GRAMD4: variants seen among roughly 807,000 people sequenced by gnomAD.
GRAMD4 encodes the protein GRAM domain containing 4.
A neutral mutation model predicts 83.9 loss-of-function variants in GRAMD4; 25 were observed. The observed-to-expected ratio is 0.30, with a 90% CI of 0.22 to 0.42. The LOEUF (loss-of-function observed/expected upper bound fraction) is 0.42, where lower values mean the gene tolerates loss of function less well. Among genes scored for constraint, GRAMD4 ranks in the 10% least tolerant of loss-of-function variants. GRAMD4 has a pLI of 1.00. For missense variants in GRAMD4, 593 were observed against 788.7 expected (o/e 0.75, Z 2.97); for synonymous variants, 336 against 320.9 (o/e 1.05, Z -0.50).
intron 1 of GRAMD4, among the ~76,000 whole-genome samples, chr22:46,601,115 G>T (rs954293666): frequency 2.6e-5 from 4 of 152,146 alleles, no homozygotes; most frequent in Admixed American, 2.6e-4. Flanking sequence ...CTGCACTCCA[G>T]CCTGGGTGAC....
chr22:46,622,799 C>T lies in GRAMD4; in HGVS notation c.-50+2234C>T, dbSNP rs188264656. Among the ~76,000 whole-genome samples, 834 of 151,818 alleles carry T rather than the reference C, an allele frequency of 5.5e-3. 2 individuals carry two copies. The highest frequency in any genetic ancestry group is 0.012 in the Admixed American group (181 of 15,218). ...TGGTGGCGGGTGCCTGTAGTCCCAG[C>T]TACTCGGGAGGCTGAGGCAGGAGAA... On this transcript the variant is annotated intron_variant, in intron 1 of 18. Transcript: ENST00000406902. This position sits in a 1 kb window ranked among gnomAD's most constrained non-coding sequence, Gnocchi z 4.0.
intron 3 of GRAMD4, among the ~76,000 whole-genome samples, chr22:46,643,880 T>G (rs1360247283): frequency 6.6e-6 from 1 of 152,224 alleles, no homozygotes; most frequent in Non-Finnish European, 1.5e-5. Context: ...TTAAATTTAT[T>G]CATACAGCTA....
chr22:46,599,875 G>A (rs531405681), intron 1 of GRAMD4, among the ~76,000 whole-genome samples: 5 of 151,966 alleles, frequency 3.3e-5, no homozygotes, highest in African/African-American at 1.2e-4. Context: ...AGTGACCATC[G>A]GAAGGCTTTC....
chr22:46,625,150 G>A (rs1030041348), intron 1 of GRAMD4, among the ~76,000 whole-genome samples: 9 of 152,148 alleles, frequency 5.9e-5, no homozygotes, highest in South Asian at 4.1e-4. Flanking sequence ...GTGAGCCACC[G>A]CGCCCAGCGT....
upstream of GRAMD4, among the ~76,000 whole-genome samples, chr22:46,620,128 T>A (rs1314992705): frequency 7.9e-5 from 12 of 152,086 alleles, no homozygotes; most frequent in East Asian, 9.7e-4. This position sits in a 1 kb window ranked among gnomAD's most constrained non-coding sequence, Gnocchi z 4.7. Flanking sequence ...TTTTTTTTTT[T>A]AAATCTTGGG....
At chr22:46,670,502 C>T (rs1035456311) in intron 13 of GRAMD4, among the ~76,000 whole-genome samples, 1 of 152,244 alleles carries the variant, frequency 6.6e-6, no homozygotes, top group Non-Finnish European at 1.5e-5. Flanking sequence ...GCCGAGGCTC[C>T]AGAGCTGCAG....
At chr22:46,588,605 G>A (rs1040966746) in intron 1 of GRAMD4, among the ~76,000 whole-genome samples, 4 of 152,222 alleles carry the variant, frequency 2.6e-5, no homozygotes, top group Non-Finnish European at 2.9e-5. Context: ...GAGAATGAGC[G>A]ATCTGAAGAT....
chr22:46,680,547 C>A (rs574285009), downstream of GRAMD4, among the ~76,000 whole-genome samples: 1 of 142,046 alleles, frequency 7.0e-6, no homozygotes, highest in Non-Finnish European at 1.6e-5. Context: ...CACATCTGTC[C>A]GTCCGTCCGT....
chr22:46,615,582 CGTGTAGGTTCCCCCGT>C (rs2081472574), upstream of GRAMD4, among the ~76,000 whole-genome samples: 1 of 77,210 alleles, frequency 1.3e-5, no homozygotes, highest in Admixed American at 1.5e-4. Context: ...TTCCCCTGTG[CGTGTAGGTTCCCCCGT>C]GTGTAGGTTC....
chr22:46,603,201 G>GTTTTTTTTTTTTTTTTTT (rs569545888), intron 1 of GRAMD4, among the ~76,000 whole-genome samples: 2 of 89,414 alleles, frequency 2.2e-5, no homozygotes, highest in African/African-American at 4.7e-5. Context: ...ATCTTCTCTT[G>GTTTTTTTTTTTTTTTTTT]TTTTTTTTTT....
chr22:46,677,796 T>C lies in GRAMD4; in HGVS notation c.*545T>C. The C allele has an allele frequency of 1.0e-6, 1 of 983,716 alleles. No homozygotes were observed. Among genetic ancestry groups the C allele is most frequent in the Non-Finnish European group, 1.2e-6 (1 of 829,922 alleles). The allele number at this position is 983,716 out of a possible 1,614,324, so 60.9% of individuals were successfully genotyped here. A position where few individuals can be genotyped will look rare whatever the true frequency, so the allele number is the denominator to read the frequency against. On this transcript the variant is annotated 3_prime_UTR_variant, in exon 19 of 19. Coordinates refer to ENST00000406902, the MANE Select transcript of GRAMD4 (RefSeq NM_015124.5). ...CCCTCCTTCCTCTTACATGAGACCC[T>C]CCTGTGGCATTTGCCCTTGGTGCCG...
chr22:46,618,165 C>T (rs1024964690), upstream of GRAMD4, among the ~76,000 whole-genome samples: 1 of 152,136 alleles, frequency 6.6e-6, no homozygotes, highest in African/African-American at 2.4e-5. The surrounding 1 kb of genome is among the most constrained non-coding windows in gnomAD (Gnocchi z 5.8). Context: ...CTGCCCACCA[C>T]GTGCCAAGCT....
intron 1 of GRAMD4, among the ~76,000 whole-genome samples, chr22:46,608,261 G>A (rs747208852): frequency 6.6e-6 from 1 of 152,196 alleles, no homozygotes; most frequent in South Asian, 2.1e-4. Context: ...AGGGCCGCCC[G>A]TGCTCTCAGG....
intron 1 of GRAMD4, among the ~76,000 whole-genome samples, chr22:46,586,590 A>C (rs1381253306): frequency 6.6e-6 from 1 of 152,188 alleles, no homozygotes; most frequent in Non-Finnish European, 1.5e-5. Flanking sequence ...TGACACAGAG[A>C]CGAGGGCCTT....
chr22:46,613,459 C>T (rs947137006), intron 1 of GRAMD4, among the ~76,000 whole-genome samples: 4 of 152,278 alleles, frequency 2.6e-5, no homozygotes, highest in African/African-American at 9.6e-5. Context: ...GATGCAACCC[C>T]TAGCCCCGCA....
downstream of GRAMD4, chr22:46,679,885 C>T (rs1434592014): frequency 1.4e-5 from 10 of 695,926 alleles, no homozygotes; most frequent in East Asian, 1.3e-4. Context: ...GCTGCCAGCC[C>T]GCCACTCCCT....
intron 1 of GRAMD4, among the ~76,000 whole-genome samples, chr22:46,594,682 GC>G: frequency 6.6e-6 from 1 of 152,112 alleles, no homozygotes; most frequent in Admixed American, 6.5e-5. Flanking sequence ...CATCTGTCCT[GC>G]CCTGGGGGGC....
intron 1 of GRAMD4, chr22:46,577,394 T>C (rs1310503545): frequency 6.9e-6 from 3 of 436,074 alleles, no homozygotes; most frequent in Non-Finnish European, 7.6e-6. Flanking sequence ...GGCCGCGCTC[T>C]CCCCGCCGCC....
chr22:46,668,238 C>T (rs940495233), intron 11 of GRAMD4, 71 bp downstream of exon 11: 3 of 1,097,060 alleles, frequency 2.7e-6, no homozygotes, highest in African/African-American at 1.6e-5. Context: ...TGTGTCTACG[C>T]CGGCCAGGGG....
Sources: gnomAD v4.1 joint callset for allele counts (sites outside exome capture counted in the v4.1 genomes callset) on GRCh38, gnomAD v4.1.1 for gene constraint, Gnocchi (gnomAD v3.1) non-coding constraint, MANE v1.5 for transcripts, NCBI Gene and HGNC (gene_info 2026-07-23, HGNC 2026-07-21) for gene names.